The following RHPN2 variants were observed in gnomAD, a reference collection of about 807,000 sequenced individuals.
RHPN2 encodes rhophilin Rho GTPase binding protein 2.
Under a neutral mutation model 79.0 loss-of-function variants are expected in RHPN2, and 40 were observed. The observed-to-expected ratio is 0.51, with a 90% CI of 0.39 to 0.66. RHPN2 has a LOEUF of 0.66. RHPN2 is among the 30% of genes least tolerant of loss of function. The pLI, the probability that RHPN2 is intolerant of heterozygous loss-of-function variation, is 0.00. For missense variants in RHPN2, 686 were observed against 883.5 expected, an observed-to-expected ratio of 0.78 and a Z score of 2.83; for synonymous variants, 285 against 363.5, an observed-to-expected ratio of 0.78 and a Z score of 2.46.
chr19:33,027,126 GGTGCA>G lies in RHPN2; in HGVS notation c.186-499_186-495del, dbSNP rs1301507367. 4 of 246,278 alleles carry G rather than the reference GGTGCA, an allele frequency of 1.6e-5. No individual in the cohort carries two copies. In the East Asian group the frequency reaches 3.6e-4, roughly 22 times the overall value. 15.3% of individuals were successfully genotyped at this position (246,278 alleles called of 1,614,324 possible). A position where few individuals can be genotyped will look rare whatever the true frequency, so the allele number is the denominator to read the frequency against. ...AATACAAAAACTAGCTGGGTGTGGTGGTGCATGCCTGTAGTCCCAGCTATGCAGAA... is the reference window on the plus strand; with the variant it reads ...AATACAAAAACTAGCTGGGTGTGGTGTGCCTGTAGTCCCAGCTATGCAGAA... On this transcript the variant is annotated intron_variant, in intron 2 of 14. Coordinates refer to ENST00000254260, the MANE Select transcript of RHPN2 (RefSeq NM_033103.5).
intron 1 of RHPN2, among the ~76,000 whole-genome samples, chr19:33,063,797 C>A (rs1290343932): frequency 2.1e-5 from 3 of 141,536 alleles, no homozygotes; most frequent in African/African-American, 8.5e-5. Context: ...CCTGCGAGGC[C>A]GGCACCCGCC....
chr19:33,012,112 G>A (rs1448409248), intron 5 of RHPN2, among the ~76,000 whole-genome samples: 3 of 150,530 alleles, frequency 2.0e-5, no homozygotes, highest in Non-Finnish European at 4.4e-5. Context: ...TGCGATCTTG[G>A]CTCACTGTAA....
At chr19:33,008,575 G>A (rs930094384) in intron 6 of RHPN2, among the ~76,000 whole-genome samples, 7 of 152,018 alleles carry the variant, frequency 4.6e-5, no homozygotes, top group African/African-American at 1.4e-4. Context: ...TTTGAGACCA[G>A]CGTGGCCAAC....
intron 5 of RHPN2, among the ~76,000 whole-genome samples, chr19:33,012,330 C>T (rs2145238640): frequency 6.6e-6 from 1 of 152,246 alleles, no homozygotes. Flanking sequence ...GCATGCACCA[C>T]CACGCCCAGC....
At chr19:32,985,771 G>A (rs1683364331) in intron 14 of RHPN2, among the ~76,000 whole-genome samples, 1 of 152,110 alleles carries the variant, frequency 6.6e-6, no homozygotes, top group African/African-American at 2.4e-5. Context: ...AGCTGGGATT[G>A]CAGGCATGCA....
At chr19:32,980,535 G>A (rs1169385392) in intron 14 of RHPN2, among the ~76,000 whole-genome samples, 1 of 152,124 alleles carries the variant, frequency 6.6e-6, no homozygotes. Context: ...AACCCAGGAG[G>A]TGGAGGTTGC....
At chr19:33,011,494 C>A (rs568403370) in intron 6 of RHPN2, among the ~76,000 whole-genome samples, 185 bp downstream of exon 6, 1 of 152,170 alleles carries the variant, frequency 6.6e-6, no homozygotes, top group African/African-American at 2.4e-5. Context: ...CATCTCCCCT[C>A]GGATCACCTT....
At chr19:33,045,060 T>TTC (rs1331206433) in intron 1 of RHPN2, among the ~76,000 whole-genome samples, 1 of 150,662 alleles carries the variant, frequency 6.6e-6, no homozygotes, top group Admixed American at 6.6e-5. Flanking sequence ...CTTTTTTTTT[T>TTC]TTTTTTTTTG....
intron 14 of RHPN2, 95 bp downstream of exon 14, chr19:32,990,419 G>A: frequency 7.7e-7 from 1 of 1,291,120 alleles, no homozygotes; most frequent in South Asian, 1.2e-5. Context: ...TACACAGGCA[G>A]GAGACAGAGG....
intron 1 of RHPN2, among the ~76,000 whole-genome samples, chr19:33,059,527 T>A (rs929228830): frequency 1.1e-4 from 16 of 152,046 alleles, no homozygotes; most frequent in Admixed American, 3.3e-4. Context: ...CTCAAACTTC[T>A]GACCTCAGGT....
intron 1 of RHPN2, among the ~76,000 whole-genome samples, chr19:33,056,912 A>C (rs369713822): frequency 9.9e-4 from 149 of 150,238 alleles, no homozygotes; most frequent in African/African-American, 3.5e-3. Context: ...GATTGAGACC[A>C]TCCTGGCTAA....
intron 2 of RHPN2, among the ~76,000 whole-genome samples, chr19:33,033,854 C>T (rs960179208): frequency 7.3e-5 from 11 of 151,494 alleles, no homozygotes; most frequent in Admixed American, 2.0e-4. Context: ...GCAACAAGAG[C>T]GAAACTCCGT....
At chr19:33,017,277 A>T (rs979753885) in intron 4 of RHPN2, among the ~76,000 whole-genome samples, 1 of 151,962 alleles carries the variant, frequency 6.6e-6, no homozygotes, top group Non-Finnish European at 1.5e-5. Context: ...GGGAGAATGA[A>T]GCAGGAGAAC....
intron 2 of RHPN2, among the ~76,000 whole-genome samples, chr19:33,032,877 C>A (rs938338561): frequency 7.9e-5 from 12 of 152,120 alleles, no homozygotes; most frequent in African/African-American, 2.9e-4. Flanking sequence ...AGCTCAGAGA[C>A]AAACCATGGC....
chr19:33,050,748 G>A (rs1397737851), intron 1 of RHPN2, among the ~76,000 whole-genome samples: 2 of 151,920 alleles, frequency 1.3e-5, no homozygotes, highest in African/African-American at 4.8e-5. Flanking sequence ...GCGTGAACTC[G>A]GCTCACTGCA....
chr19:32,983,348 T>C (rs1316684742), intron 14 of RHPN2, among the ~76,000 whole-genome samples: 3 of 151,934 alleles, frequency 2.0e-5, no homozygotes. Context: ...CTGTCTCTAC[T>C]AAAAATACAA....
intron 14 of RHPN2, among the ~76,000 whole-genome samples, chr19:32,984,788 C>T (rs1394321541): frequency 6.6e-6 from 1 of 152,008 alleles, no homozygotes; most frequent in Non-Finnish European, 1.5e-5. Flanking sequence ...CTCGTCACCA[C>T]AAAATTAATT....
chr19:32,998,504 G>C (rs534100137), intron 10 of RHPN2, among the ~76,000 whole-genome samples: 1 of 151,850 alleles, frequency 6.6e-6, no homozygotes, highest in African/African-American at 2.4e-5. Flanking sequence ...AATATTAGCC[G>C]GGCGTGGTGG....
chr19:33,003,790 AAGG>A (rs1599813928), intron 7 of RHPN2, among the ~76,000 whole-genome samples: 1 of 152,140 alleles, frequency 6.6e-6, no homozygotes, highest in Admixed American at 6.6e-5. Flanking sequence ...CAGAAATAGA[AAGG>A]AGAATAGAGG....
Sources: allele counts gnomAD v4.1 joint callset (sites outside exome capture counted in the v4.1 genomes callset), GRCh38; gene constraint gnomAD v4.1.1; transcripts MANE v1.5; gene names NCBI Gene and HGNC (gene_info 2026-07-23, HGNC 2026-07-21).